Variants in WDR76 observed in about 807,000 individuals in gnomAD.
WDR76 encodes WD repeat-containing protein 76.
WDR76 carries 52 observed loss-of-function variants against 70.2 expected under a neutral mutation model. That is an observed-to-expected ratio of 0.74 (90% CI 0.59 to 0.93). WDR76 has a LOEUF of 0.93. WDR76 is among the 40% of genes least tolerant of loss of function. The probability of loss-of-function intolerance (pLI) is 0.00; values close to 1 mark genes in which losing one functional copy is unlikely to be tolerated. For missense variants in WDR76, 756 were observed against 760.2 expected (o/e 0.99, Z 0.07); for synonymous variants, 292 against 271.1 (o/e 1.08, Z -0.76).
chr15:43,851,529 A>C (rs117935014), intron 9 of WDR76, among the ~76,000 whole-genome samples: 1,693 of 152,308 alleles, frequency 0.011, 13 homozygotes, highest in Non-Finnish European at 0.018. Flanking sequence ...CAGATAAAGT[A>C]CTTAGAAGAG....
intron 12 of WDR76, among the ~76,000 whole-genome samples, chr15:43,862,276 CTTTTTTTT>C: frequency 1.7e-4 from 7 of 42,156 alleles, no homozygotes; most frequent in East Asian, 6.9e-4. Flanking sequence ...TTATCAGTTT[CTTTTTTTT>C]TTTTTTTTTT....
At chr15:43,857,196 C>T (rs764154618) in intron 10 of WDR76, 33 bp downstream of exon 10, 2 of 1,548,606 alleles carry the variant, frequency 1.3e-6, no homozygotes, top group Non-Finnish European at 1.8e-6. Context: ...TGACTTAGAC[C>T]TTTTAATGTC....
intron 8 of WDR76, among the ~76,000 whole-genome samples, chr15:43,846,595 T>C (rs1315458436): frequency 1.3e-5 from 2 of 151,766 alleles, no homozygotes; most frequent in East Asian, 3.9e-4. Context: ...AGACTACTTT[T>C]TGAAGAATTT....
intron 2 of WDR76, among the ~76,000 whole-genome samples, chr15:43,832,521 C>G (rs2087602252): frequency 1.3e-5 from 2 of 151,996 alleles, no homozygotes; most frequent in Non-Finnish European, 2.9e-5. Flanking sequence ...TCTTGCCTCA[C>G]TGCAACCTCT....
chr15:43,857,707 G>T (rs895355925), intron 10 of WDR76: 1 of 168,762 alleles, frequency 5.9e-6, no homozygotes, highest in East Asian at 2.0e-4. Flanking sequence ...GTAATCCCAG[G>T]TACTTGGGAG....
Position 43,828,455 on chromosome 15 carries a change from T to A in WDR76, c.462+89T>A, listed in dbSNP as rs2087546043. Reference sequence around the variant, plus strand: ...CGAAGTTTTTCGAGGATCTCTCTGGTACAAACAAGTTATTTCATCATCTAA... The same window carrying A: ...CGAAGTTTTTCGAGGATCTCTCTGGAACAAACAAGTTATTTCATCATCTAA... On this transcript the variant is annotated intron_variant, in intron 2 of 12. Coordinates refer to ENST00000263795, the MANE Select transcript of WDR76 (RefSeq NM_024908.4). The A allele has an allele frequency of 1.3e-5, 16 of 1,207,096 alleles. No homozygotes were observed. The South Asian group carries it at 2.3e-4, about 18-fold the overall frequency. 74.8% of individuals were successfully genotyped at this position (1,207,096 alleles called of 1,614,324 possible).
intron 7 of WDR76, among the ~76,000 whole-genome samples, chr15:43,843,479 GTGTT>G (rs1205683071): frequency 1.3e-5 from 2 of 152,262 alleles, no homozygotes; most frequent in East Asian, 1.9e-4. Context: ...GTTTGTGTAT[GTGTT>G]TGTTGAAGTA....
chr15:43,838,498 T>C lies in WDR76; in HGVS notation c.609-1107T>C, dbSNP rs1481854296. Among the ~76,000 whole-genome samples, 3 of 152,334 alleles carry C rather than the reference T, an allele frequency of 2.0e-5. No individual in the cohort carries two copies. The East Asian group carries it at 5.8e-4, about 29-fold the overall frequency. ...ACTGTGCCTGGCTATTGATTTATAG[T>C]TTTACTACCAGTGAGTGTATCCTTA... On this transcript the variant is annotated intron_variant, in intron 4 of 12. Coordinates refer to ENST00000263795, the MANE Select transcript of WDR76 (RefSeq NM_024908.4).
At chr15:43,848,699 G>T (rs1290251718) in intron 8 of WDR76, among the ~76,000 whole-genome samples, 1 of 152,116 alleles carries the variant, frequency 6.6e-6, no homozygotes, top group Non-Finnish European at 1.5e-5. Context: ...CCAACACTTT[G>T]GGAGGCTGAG....
In WDR76 at chr15:43,828,022, A is replaced by C. The variant is rs2087538395; in HGVS notation, c.118A>C (p.Thr40Pro). The C allele has an allele frequency of 6.2e-7, 1 of 1,614,034 alleles. No homozygotes were observed. The highest frequency in any genetic ancestry group is 8.5e-7 in the Non-Finnish European group (1 of 1,180,006). Reference sequence around the variant, plus strand: ...TTATGTGTCTCTGAGACCAGCACAGACTACAGTTTTAATAAAAACAGCTAA... The same window carrying C: ...TTATGTGTCTCTGAGACCAGCACAGCCTACAGTTTTAATAAAAACAGCTAA... Reference protein sequence around the residue: ...IAYVSLRPAQTTVLIKTAKVY... With the variant: ...IAYVSLRPAQPTVLIKTAKVY... Residue 40 changes from threonine to proline, a missense_variant, in exon 2 of 13, where the codon ACT (threonine) becomes CCT (proline). Coordinates refer to ENST00000263795, the MANE Select transcript of WDR76 (RefSeq NM_024908.4).
chr15:43,849,904 A>T (rs2087835231), intron 8 of WDR76, among the ~76,000 whole-genome samples: 1 of 152,114 alleles, frequency 6.6e-6, no homozygotes, highest in South Asian at 2.1e-4. Context: ...ACCAAGAGAA[A>T]ATTTTATTTT....
At chr15:43,861,236 A>G (rs1174713337) in intron 11 of WDR76, 97 bp from the exon 12 acceptor site, 1 of 1,049,048 alleles carries the variant, frequency 9.5e-7, no homozygotes, top group African/African-American at 1.6e-5. Context: ...TATATATTTC[A>G]TACCATGAAT....
At chr15:43,862,741 C>T (rs1210836542) in intron 12 of WDR76, among the ~76,000 whole-genome samples, 1 of 152,138 alleles carries the variant, frequency 6.6e-6, no homozygotes, top group Non-Finnish European at 1.5e-5. Context: ...ATCTCCTGAC[C>T]TCGTGACCCA....
At chr15:43,858,536 G>A (rs1377419691) in intron 10 of WDR76, 135 bp from the exon 11 acceptor site, 17 of 1,151,374 alleles carry the variant, frequency 1.5e-5, no homozygotes, top group South Asian at 9.7e-5. Flanking sequence ...TTGAGCCACC[G>A]CACCTGGCTG....
rs1209116186 is a variant in WDR76 at position 43,828,371 on chromosome 15, GAACTT to G, written c.462+8_462+12del. The G allele has an allele frequency of 6.3e-7, 1 of 1,581,172 alleles. No homozygotes were observed. The highest frequency in any genetic ancestry group is 1.4e-5 in the African/African-American group (1 of 73,366). ...GAAGATACCACACCATCCCTGGTAAGAACTTAATTAGTAGCTTGTTCTGGTTTCTC... is the reference window on the plus strand; with the variant it reads ...GAAGATACCACACCATCCCTGGTAAGAATTAGTAGCTTGTTCTGGTTTCTC... On this transcript the variant is annotated splice_donor_region_variant and intron_variant, in intron 2 of 12. Coordinates refer to ENST00000263795, the MANE Select transcript of WDR76 (RefSeq NM_024908.4).
In WDR76 at chr15:43,828,078, T is replaced by G. The variant is rs746693692; in HGVS notation, c.174T>G (p.Asn58Lys). The G allele has an allele frequency of 2.5e-6, 4 of 1,614,180 alleles. No individual in the cohort carries two copies. The Admixed American group carries it at 6.7e-5, about 27-fold the overall frequency. Residue 58 changes from asparagine (N) to lysine (K), a missense_variant, in exon 2 of 13, where the codon AAT (asparagine) becomes AAG (lysine). By Grantham distance (94) the Asn-to-Lys change is moderately conservative (BLOSUM62 0). Coordinates refer to ENST00000263795, the MANE Select transcript of WDR76 (RefSeq NM_024908.4). ...ATCTTGCCCCCTTTTCACTCAGTAATTACCAGCTAGACCAGCTTATGTGCC... is the reference window on the plus strand; with the variant it reads ...ATCTTGCCCCCTTTTCACTCAGTAAGTACCAGCTAGACCAGCTTATGTGCC... The part of the protein sequence containing the change: ...KVYLAPFSLS[N>K]YQLDQLMCPK...
chr15:43,836,308 A>G, intron 4 of WDR76, 92 bp downstream of exon 4: 3 of 1,126,758 alleles, frequency 2.7e-6, no homozygotes, highest in Non-Finnish European at 3.8e-6. Context: ...TAAGCTTAAC[A>G]GATCATAAAG....
intron 4 of WDR76, among the ~76,000 whole-genome samples, chr15:43,837,970 G>A (rs933989101): frequency 6.6e-6 from 1 of 151,214 alleles, no homozygotes; most frequent in Non-Finnish European, 1.5e-5. Context: ...CCACCTCCCA[G>A]GTTCATGCCA....
intron 11 of WDR76, among the ~76,000 whole-genome samples, chr15:43,860,896 C>T (rs1246185116): frequency 1.4e-5 from 2 of 142,796 alleles, no homozygotes; most frequent in East Asian, 2.1e-4. Flanking sequence ...GATTTGTTAG[C>T]GCCTGATCTT....
Sources: allele counts gnomAD v4.1 joint callset (sites outside exome capture counted in the v4.1 genomes callset), GRCh38; gene constraint gnomAD v4.1.1; transcripts MANE v1.5; gene names NCBI Gene and HGNC (gene_info 2026-07-23, HGNC 2026-07-21).